ACTR3C: variants seen among roughly 807,000 people sequenced by gnomAD.
The protein encoded by ACTR3C is actin related protein 3C, also known as actin-related protein 3C.
A neutral mutation model predicts 26.3 loss-of-function variants in ACTR3C; 18 were observed. The observed-to-expected ratio is 0.68, with a 90% CI of 0.47 to 1.01. The LOEUF is 1.01. ACTR3C is among the 50% of genes least tolerant of loss of function. The pLI, the probability that ACTR3C is intolerant of heterozygous loss-of-function variation, is 0.00. For missense variants in ACTR3C, 184 were observed against 250.7 expected, an observed-to-expected ratio of 0.73 and a Z score of 1.80; for synonymous variants, 55 against 94.5, an observed-to-expected ratio of 0.58 and a Z score of 2.42.
chr7:150,188,843 C>T, the ACTR3C span, among the ~76,000 whole-genome samples: 4 of 148,910 alleles, frequency 2.7e-5, no homozygotes, highest in East Asian at 5.8e-4. Flanking sequence ...GTAAGAGGTA[C>T]ATTCATTGTT....
At chr7:150,034,674 C>T in the ACTR3C span, among the ~76,000 whole-genome samples, 1 of 151,702 alleles carries the variant, frequency 6.6e-6, no homozygotes, top group Admixed American at 6.6e-5. Context: ...CGTAAGGTAC[C>T]TGCCGTCGGA....
chr7:150,117,527 C>T, the ACTR3C span, among the ~76,000 whole-genome samples: 1 of 152,238 alleles, frequency 6.6e-6, no homozygotes, highest in African/African-American at 2.4e-5. Flanking sequence ...CAGATTGCCT[C>T]TCTAGATTCC....
At chr7:149,901,557 A>T in the ACTR3C span, among the ~76,000 whole-genome samples, 3 of 151,828 alleles carry the variant, frequency 2.0e-5, no homozygotes, top group South Asian at 6.3e-4. Context: ...TTTATAAATG[A>T]CTTAAACTAG....
chr7:149,964,978 T>G, the ACTR3C span, among the ~76,000 whole-genome samples: 1 of 152,104 alleles, frequency 6.6e-6, no homozygotes, highest in Non-Finnish European at 1.5e-5. Context: ...AAATATTGTT[T>G]TATTTATTGG....
At chr7:150,186,115 C>G in the ACTR3C span, among the ~76,000 whole-genome samples, 6 of 152,098 alleles carry the variant, frequency 3.9e-5, no homozygotes, top group African/African-American at 1.2e-4. Context: ...GAAAGGGGCC[C>G]AGAAGTCATC....
At chr7:150,254,276 T>C (rs1191699596) in intron 6 of ACTR3C, among the ~76,000 whole-genome samples, 2 of 152,332 alleles carry the variant, frequency 1.3e-5, no homozygotes, top group African/African-American at 2.4e-5. Context: ...ATTTCAACAT[T>C]GGAACCCTGA....
the ACTR3C span, among the ~76,000 whole-genome samples, chr7:150,156,728 T>C: frequency 6.6e-6 from 1 of 152,238 alleles, no homozygotes; most frequent in Non-Finnish European, 1.5e-5. Flanking sequence ...TTCCCTCCTC[T>C]AATTCCTATT....
At chr7:149,998,045 A>G in the ACTR3C span, among the ~76,000 whole-genome samples, 1 of 151,262 alleles carries the variant, frequency 6.6e-6, no homozygotes, top group African/African-American at 2.4e-5. Context: ...CTCCCACAAT[A>G]GGGCCATTCC....
At chr7:150,054,889 T>C in the ACTR3C span, among the ~76,000 whole-genome samples, 75 of 152,218 alleles carry the variant, frequency 4.9e-4, no homozygotes, top group African/African-American at 1.8e-3. Context: ...CAGATGATCA[T>C]CAGTACTCCT....
the ACTR3C span, among the ~76,000 whole-genome samples, chr7:150,180,685 G>A: frequency 1.3e-5 from 2 of 149,158 alleles, no homozygotes; most frequent in Non-Finnish European, 2.9e-5. Flanking sequence ...GCTAATTTTT[G>A]TATTTTTAGT....
chr7:150,081,629 T>C, the ACTR3C span, among the ~76,000 whole-genome samples: 17 of 151,490 alleles, frequency 1.1e-4, 1 homozygote, highest in South Asian at 3.5e-3. Flanking sequence ...GTTTAAATTA[T>C]TCATTTGTGT....
the ACTR3C span, among the ~76,000 whole-genome samples, chr7:150,195,202 G>A: frequency 6.6e-5 from 10 of 150,820 alleles, no homozygotes; most frequent in African/African-American, 2.4e-4. Flanking sequence ...GGAACATACT[G>A]TTATAACATC....
the ACTR3C span, among the ~76,000 whole-genome samples, chr7:149,953,117 G>A: frequency 6.7e-6 from 1 of 149,030 alleles, no homozygotes; most frequent in East Asian, 1.9e-4. Context: ...CAGCCATTAA[G>A]ACAAGATAAA....
chr7:150,087,885 A>G, the ACTR3C span, among the ~76,000 whole-genome samples: 1 of 152,256 alleles, frequency 6.6e-6, no homozygotes, highest in Non-Finnish European at 1.5e-5. Flanking sequence ...AACTGCCAAT[A>G]ACTAGGAAAA....
At chr7:150,042,882 A>G in the ACTR3C span, among the ~76,000 whole-genome samples, 59,863 of 148,826 alleles carry the variant, frequency 0.4, 12,330 homozygotes, top group East Asian at 0.67. Context: ...AGGCTTTGTC[A>G]GATCGGGTAG....
intron 6 of ACTR3C, among the ~76,000 whole-genome samples, chr7:150,251,815 C>T (rs1349133452): frequency 6.6e-6 from 1 of 151,984 alleles, no homozygotes; most frequent in Non-Finnish European, 1.5e-5. Flanking sequence ...TGTTTATTAT[C>T]CTTTTTCTGA....
the ACTR3C span, among the ~76,000 whole-genome samples, chr7:150,037,583 A>T: frequency 1.4e-5 from 1 of 69,476 alleles, no homozygotes. Context: ...CCGGGGGGGA[A>T]GAGGGACTGG....
rs1006965797 is a variant in ACTR3C at position 150,291,068 on chromosome 7, C to T, written c.154-1475G>A. 2.0e-5 allele frequency among the ~76,000 whole-genome samples: 3 copies of T among 152,174 alleles called. No homozygotes were observed. In the East Asian group the frequency reaches 5.8e-4, roughly 29 times the overall value. ...ATTATATGTACAATCCCAAACCAGA[C>T]ATGAGACATTCCAATTGTGTTTAAA... On this transcript the variant is annotated intron_variant, in intron 3 of 7. Coordinates refer to ENST00000683684, the MANE Select transcript of ACTR3C (RefSeq NM_001164458.2).
chr7:150,047,347 T>A, the ACTR3C span, among the ~76,000 whole-genome samples: 2 of 152,052 alleles, frequency 1.3e-5, no homozygotes, highest in Non-Finnish European at 2.9e-5. Context: ...GAATTCCAGA[T>A]CCCAGCAGGC....
Sources: gnomAD v4.1 joint callset for allele counts (sites outside exome capture counted in the v4.1 genomes callset) on GRCh38, gnomAD v4.1.1 for gene constraint, MANE v1.5 for transcripts, NCBI Gene and HGNC (gene_info 2026-07-23, HGNC 2026-07-21) for gene names.